Variants in ANKRD17 observed in about 807,000 individuals in gnomAD.
The protein encoded by ANKRD17 is ankyrin repeat domain 17.
In ANKRD17, 19 loss-of-function variants were observed where a neutral mutation model predicts 229.7. That is an observed-to-expected ratio of 0.08 (90% CI 0.06 to 0.12). The LOEUF is 0.12. Ranked by LOEUF, ANKRD17 falls within the 10% of genes least tolerant of loss-of-function variation. ANKRD17 has a pLI of 1.00. For synonymous variants in ANKRD17, 1,112 were observed against 1,146.1 expected, an observed-to-expected ratio of 0.97 and a Z score of 0.60; for missense variants, 2,176 against 3,176.8, an observed-to-expected ratio of 0.68 and a Z score of 7.57.
intron 1 of ANKRD17, among the ~76,000 whole-genome samples, chr4:73,193,670 C>A (rs1737437680): frequency 6.6e-6 from 1 of 152,148 alleles, no homozygotes; most frequent in Non-Finnish European, 1.5e-5. Flanking sequence ...CTGAGGCTCA[C>A]ATCTGCAATT....
chr4:73,112,521 AAACC>A, intron 24 of ANKRD17: 1 of 327,468 alleles, frequency 3.1e-6, no homozygotes, highest in South Asian at 1.2e-4. Context: ...CTCAGAATAT[AAACC>A]ACAAATTTTT....
intron 1 of ANKRD17, among the ~76,000 whole-genome samples, chr4:73,218,838 G>A (rs965571079): frequency 4.6e-5 from 7 of 151,856 alleles, no homozygotes; most frequent in Non-Finnish European, 1.0e-4. Flanking sequence ...TGAGGCATGC[G>A]GATCACGAGG....
chr4:73,249,906 A>C (rs1235319860), intron 1 of ANKRD17, among the ~76,000 whole-genome samples: 14 of 152,314 alleles, frequency 9.2e-5, no homozygotes, highest in Non-Finnish European at 4.4e-5. Flanking sequence ...AATATAGTTA[A>C]GTAAAATCTA....
At position 73,091,080 on chromosome 4, in the gene ANKRD17, T is replaced by A; in HGVS notation, c.6548A>T (p.His2183Leu). 6.2e-7 allele frequency: 1 copy of A among 1,614,104 alleles called. No individual in the cohort carries two copies. The highest frequency in any genetic ancestry group is 1.1e-5 in the South Asian group (1 of 91,082). Residue 2183 changes from histidine (H) to leucine (L), a missense_variant, in exon 29 of 34, where the codon CAT becomes CTT. Around this residue, in one of 18 missense-constraint regions of ANKRD17, gnomAD observed 424 missense variants for 454.0 expected, o/e 0.93. Coordinates refer to ENST00000358602, the MANE Select transcript of ANKRD17 (RefSeq NM_032217.5). ...METPAIRPPP[H>L]GTTAPHKNSA... is the part of the protein sequence containing the mutation. The stretch of plus-strand genomic sequence containing the variant: ...ATTCTTGTGAGGGGCAGTTGTGCCA[T>A]GAGGGGGTGGTCTAATAGCAGGGGT...
chr4:73,095,730 C>A (rs758386243), intron 27 of ANKRD17, among the ~76,000 whole-genome samples: 3 of 151,478 alleles, frequency 2.0e-5, no homozygotes, highest in Non-Finnish European at 2.9e-5. Context: ...TCGTTCTGTA[C>A]CCAGGCTGGA....
intron 21 of ANKRD17, 30 bp from the exon 22 acceptor site, chr4:73,118,880 C>CT (rs751549226): frequency 0.27 from 211,865 of 779,590 alleles, 17,694 homozygotes; most frequent in African/African-American, 0.45. Flanking sequence ...ATAGCATTGT[C>CT]TTTTTTTTTT....
intron 2 of ANKRD17, among the ~76,000 whole-genome samples, chr4:73,171,178 G>GGAGAGAGA (rs56882212): frequency 0.082 from 8,601 of 104,346 alleles, 664 homozygotes; most frequent in Non-Finnish European, 0.11. Context: ...CTCAGAGGGG[G>GGAGAGAGA]GAGAGAGAGA....
chr4:73,168,764 G>A (rs372478204), intron 2 of ANKRD17, among the ~76,000 whole-genome samples: 1 of 152,204 alleles, frequency 6.6e-6, no homozygotes, highest in Non-Finnish European at 1.5e-5. Flanking sequence ...CTGTTTAAAT[G>A]TACGTTTTTT....
At chr4:73,194,182 A>C (rs1450666202) in intron 1 of ANKRD17, among the ~76,000 whole-genome samples, 1 of 152,210 alleles carries the variant, frequency 6.6e-6, no homozygotes. Flanking sequence ...AAATACTTCT[A>C]TCTAACCCAA....
chr4:73,106,595 C>T (rs989307302), intron 24 of ANKRD17, among the ~76,000 whole-genome samples: 11 of 152,110 alleles, frequency 7.2e-5, no homozygotes, highest in East Asian at 1.9e-4. Flanking sequence ...TAAAAAAATA[C>T]GCGGGCTGGG....
chr4:73,179,488 G>C (rs7656492), intron 1 of ANKRD17, among the ~76,000 whole-genome samples: 1 of 48,240 alleles, frequency 2.1e-5, no homozygotes, highest in Admixed American at 3.7e-4. Context: ...GTGTGTGTGT[G>C]TATATATATA....
At chr4:73,244,229 T>G (rs537771515) in intron 1 of ANKRD17, among the ~76,000 whole-genome samples, 11 of 152,298 alleles carry the variant, frequency 7.2e-5, no homozygotes, top group Non-Finnish European at 1.5e-4. Context: ...AATCACATTC[T>G]GAAATACTTG....
intron 23 of ANKRD17, among the ~76,000 whole-genome samples, chr4:73,115,464 T>C (rs537155517): frequency 6.6e-5 from 10 of 152,216 alleles, no homozygotes; most frequent in African/African-American, 2.2e-4. Context: ...CTAATTTTTG[T>C]ATTTTTGTAG....
intron 25 of ANKRD17, among the ~76,000 whole-genome samples, chr4:73,101,711 G>GCAATTC (rs901385305): frequency 1.3e-5 from 2 of 149,814 alleles, no homozygotes; most frequent in Non-Finnish European, 3.0e-5. Context: ...CAGGATGTCT[G>GCAATTC]CAATTCTGCA....
At chr4:73,175,313 T>C (rs1429030580) in intron 2 of ANKRD17, among the ~76,000 whole-genome samples, 2 of 152,250 alleles carry the variant, frequency 1.3e-5, no homozygotes, top group Middle Eastern at 3.4e-3. Flanking sequence ...ACCCATTCAC[T>C]ATTACAAGAA....
intron 1 of ANKRD17, among the ~76,000 whole-genome samples, chr4:73,257,471 T>G (rs1246091541): frequency 6.6e-6 from 1 of 152,244 alleles, no homozygotes; most frequent in East Asian, 1.9e-4. Context: ...ACCCTTTGGC[T>G]GTCCCATATT....
At chr4:73,185,960 A>T (rs1553932212) in intron 1 of ANKRD17, among the ~76,000 whole-genome samples, 1 of 152,006 alleles carries the variant, frequency 6.6e-6, no homozygotes, top group Non-Finnish European at 1.5e-5. Context: ...ATAAATTCTT[A>T]ATTTATTAAG....
At position 73,139,677 on chromosome 4, in the gene ANKRD17, A is replaced by G; in HGVS notation, c.2939T>C (p.Leu980Pro). ...PPGSIANLTE[L>P]QGVIVGQPVL... is the part of the protein sequence containing the mutation. ...TGGCTGTCCAACTATCACTCCTTGC[A>G]GTTCTGTAAGATTTGCGATGGACCC... The change falls in exon 15 of 34, where the codon CTG becomes CCG. Residue 980 changes from leucine (L) to proline (P), a missense_variant. Coordinates refer to ENST00000358602, the MANE Select transcript of ANKRD17 (RefSeq NM_032217.5). The G allele has an allele frequency of 6.2e-7, 1 of 1,614,114 alleles. No individual in the cohort carries two copies. Among genetic ancestry groups the G allele is most frequent in the Non-Finnish European group, 8.5e-7 (1 of 1,180,024 alleles).
At chr4:73,180,401 C>T (rs1026994336) in intron 1 of ANKRD17, among the ~76,000 whole-genome samples, 4 of 152,044 alleles carry the variant, frequency 2.6e-5, no homozygotes, top group African/African-American at 9.7e-5. Context: ...CAATCAGAAG[C>T]GACTGTCTTA....
Sources: allele counts gnomAD v4.1 joint callset (sites outside exome capture counted in the v4.1 genomes callset), GRCh38; gene constraint gnomAD v4.1.1; regional missense constraint gnomAD v4.1.1; transcripts MANE v1.5; gene names NCBI Gene and HGNC (gene_info 2026-07-23, HGNC 2026-07-21).